The following KCNH7 variants were observed in gnomAD, a reference collection of about 807,000 sequenced individuals.
KCNH7 encodes the protein voltage-gated inwardly rectifying potassium channel KCNH7.
Under a neutral mutation model 120.8 loss-of-function variants are expected in KCNH7, and 49 were observed. That is an observed-to-expected ratio of 0.41 (90% confidence interval 0.32 to 0.51). The LOEUF (loss-of-function observed/expected upper bound fraction) is 0.51, where lower values mean the gene tolerates loss of function less well. KCNH7 is among the 20% of genes least tolerant of loss of function. KCNH7 has a pLI of 0.38. For missense variants in KCNH7, 1,097 were observed against 1,446.6 expected (o/e 0.76, Z 3.92); for synonymous variants, 547 against 516.1 (o/e 1.06, Z -0.81).
At chr2:162,539,835 C>T (rs538817127) in intron 2 of KCNH7, among the ~76,000 whole-genome samples, 5 of 152,088 alleles carry the variant, frequency 3.3e-5, no homozygotes, top group African/African-American at 1.2e-4. Flanking sequence ...CTTGCATAGC[C>T]TCCCGGAAGG....
intron 2 of KCNH7, among the ~76,000 whole-genome samples, chr2:162,716,991 G>T (rs1687144818): frequency 6.6e-6 from 1 of 152,016 alleles, no homozygotes; most frequent in Non-Finnish European, 1.5e-5. Context: ...TTATGATCTT[G>T]GGTAGAAAGA....
At chr2:162,513,634 C>A (rs1325197497) in intron 4 of KCNH7, among the ~76,000 whole-genome samples, 1 of 151,458 alleles carries the variant, frequency 6.6e-6, no homozygotes, top group Non-Finnish European at 1.5e-5. Context: ...ACAACCACAC[C>A]AGTCTGCCTG....
intron 2 of KCNH7, among the ~76,000 whole-genome samples, chr2:162,546,799 A>G (rs1692495892): frequency 6.6e-6 from 1 of 152,166 alleles, no homozygotes; most frequent in Non-Finnish European, 1.5e-5. Flanking sequence ...AAAAAGTACT[A>G]TACCAGAAAA....
chr2:162,808,544 T>C (rs1024696617), intron 2 of KCNH7, among the ~76,000 whole-genome samples: 1 of 152,208 alleles, frequency 6.6e-6, no homozygotes, highest in Non-Finnish European at 1.5e-5. Flanking sequence ...TTAAGTGATT[T>C]TTAAATTTAA....
intron 9 of KCNH7, among the ~76,000 whole-genome samples, chr2:162,408,647 C>A (rs1010666156): frequency 6.6e-6 from 1 of 151,896 alleles, no homozygotes; most frequent in African/African-American, 2.4e-5. Flanking sequence ...CTCCCCCTGC[C>A]TATCCCAACT....
chr2:162,638,961 C>T (rs1001390676), intron 2 of KCNH7, among the ~76,000 whole-genome samples: 4 of 152,086 alleles, frequency 2.6e-5, no homozygotes, highest in Non-Finnish European at 4.4e-5. Flanking sequence ...TCATTTGAAC[C>T]TTACTCATAA....
intron 2 of KCNH7, among the ~76,000 whole-genome samples, chr2:162,818,306 T>A (rs769176291): frequency 1.3e-5 from 2 of 152,060 alleles, no homozygotes; most frequent in Non-Finnish European, 2.9e-5. Flanking sequence ...CAGGGGTCAA[T>A]ATTTATTTAT....
intron 2 of KCNH7, among the ~76,000 whole-genome samples, chr2:162,775,416 C>T (rs554440170): frequency 6.6e-6 from 1 of 152,196 alleles, no homozygotes; most frequent in South Asian, 2.1e-4. Context: ...ACATGTTACC[C>T]TTTGAGGAGG....
At chr2:162,397,233 G>T (rs891218874) in intron 10 of KCNH7, among the ~76,000 whole-genome samples, 1 of 151,714 alleles carries the variant, frequency 6.6e-6, no homozygotes, top group African/African-American at 2.4e-5. Context: ...GCAAAGGGTC[G>T]TACCATAGAG....
chr2:162,426,751 C>T (rs1687877958), intron 8 of KCNH7, among the ~76,000 whole-genome samples: 1 of 152,008 alleles, frequency 6.6e-6, no homozygotes, highest in African/African-American at 2.4e-5. Flanking sequence ...TAAGATGCAT[C>T]TATTTTAAGT....
chr2:162,644,598 T>C lies in KCNH7; in HGVS notation c.308-107518A>G, dbSNP rs17787404. Among the ~76,000 whole-genome samples the C allele has an allele frequency of 2.0e-5, 3 of 152,210 alleles. No homozygotes were observed. The East Asian group carries it at 5.8e-4, about 29-fold the overall frequency. On this transcript the variant is annotated intron_variant, in intron 2 of 15. Coordinates refer to ENST00000332142, the MANE Select transcript of KCNH7 (RefSeq NM_033272.4). Reference sequence around the variant, plus strand: ...AAGATTTTATCTATCAATACTTCGCTAGTAAGAGATAATGGCCATTCATTT... The same window carrying C: ...AAGATTTTATCTATCAATACTTCGCCAGTAAGAGATAATGGCCATTCATTT...
intron 6 of KCNH7, among the ~76,000 whole-genome samples, chr2:162,465,143 A>G (rs967456179): frequency 4.4e-4 from 67 of 152,232 alleles, no homozygotes; most frequent in African/African-American, 1.5e-3. Flanking sequence ...TGTTGTGGAC[A>G]GTATTATCTG....
intron 2 of KCNH7, among the ~76,000 whole-genome samples, chr2:162,700,321 G>A (rs550132761): frequency 1.3e-5 from 2 of 152,222 alleles, no homozygotes; most frequent in East Asian, 3.9e-4. Flanking sequence ...ATTTTGCTGT[G>A]GAACCACGAG....
chr2:162,720,299 TAAAAAAA>T (rs59618789), intron 2 of KCNH7, among the ~76,000 whole-genome samples: 22 of 97,950 alleles, frequency 2.2e-4, no homozygotes, highest in East Asian at 1.1e-3. Flanking sequence ...GATGTGTGAT[TAAAAAAA>T]AAAAAAAAAA....
intron 2 of KCNH7, among the ~76,000 whole-genome samples, chr2:162,831,651 AAAC>A (rs1326157214): frequency 6.6e-6 from 1 of 152,174 alleles, no homozygotes; most frequent in Non-Finnish European, 1.5e-5. Flanking sequence ...TATTTATACC[AAAC>A]AACAACAGCA....
intron 3 of KCNH7, among the ~76,000 whole-genome samples, chr2:162,528,683 G>A (rs1388460743): frequency 6.6e-6 from 1 of 151,842 alleles, no homozygotes; most frequent in East Asian, 1.9e-4. Flanking sequence ...AGGCAATAGA[G>A]GACCATTGTA....
intron 2 of KCNH7, among the ~76,000 whole-genome samples, chr2:162,714,322 T>A (rs1451945519): frequency 6.6e-6 from 1 of 152,146 alleles, no homozygotes; most frequent in Non-Finnish European, 1.5e-5. Context: ...TATCAGTTAA[T>A]GTTCCAAACC....
At chr2:162,653,809 C>A (rs193269947) in intron 2 of KCNH7, among the ~76,000 whole-genome samples, 1 of 152,156 alleles carries the variant, frequency 6.6e-6, no homozygotes, top group Non-Finnish European at 1.5e-5. Context: ...ATACATGGAC[C>A]AATGGAACAG....
At chr2:162,461,733 A>G (rs983764026) in intron 6 of KCNH7, among the ~76,000 whole-genome samples, 1 of 152,180 alleles carries the variant, frequency 6.6e-6, no homozygotes, top group Non-Finnish European at 1.5e-5. Context: ...TTAGGAAACC[A>G]ACTGTTTTGT....
Sources: gnomAD v4.1 joint callset for allele counts (sites outside exome capture counted in the v4.1 genomes callset) on GRCh38, gnomAD v4.1.1 for gene constraint, MANE v1.5 for transcripts, NCBI Gene and HGNC (gene_info 2026-07-23, HGNC 2026-07-21) for gene names.